Variants in AGXT2 observed in about 807,000 individuals in gnomAD.
AGXT2 encodes alanine--glyoxylate aminotransferase 2.
AGXT2 carries 61 observed loss-of-function variants against 62.5 expected under a neutral mutation model. That is an observed-to-expected ratio of 0.98 (90% confidence interval 0.79 to 1.21). The LOEUF is 1.21. Ranked by LOEUF, AGXT2 falls within the 50% of genes most tolerant of loss-of-function variation. The pLI, the probability that AGXT2 is intolerant of heterozygous loss-of-function variation, is 0.00. For missense variants in AGXT2, 666 were observed against 641.5 expected (o/e 1.04, Z -0.41); for synonymous variants, 243 against 218.7 (o/e 1.11, Z -0.98).
rs988468601 is a variant in AGXT2, at chr5:35,030,026, A to T, written c.769+2706T>A. On this transcript the variant is annotated intron_variant, in intron 7 of 13. Coordinates refer to ENST00000231420, the MANE Select transcript of AGXT2 (RefSeq NM_031900.4). ...GGTTAAGAGGAATTGAGAACAGGCA[A>T]CATCTATAGTCAAAGAACTGTACAT... Among the ~76,000 whole-genome samples the T allele has an allele frequency of 2.6e-5, 4 of 152,234 alleles. No individual in the cohort carries two copies. In the South Asian group the frequency reaches 8.3e-4, roughly 31 times the overall value.
At chr5:35,037,708 C>T (rs916448173) in intron 3 of AGXT2, among the ~76,000 whole-genome samples, 7 of 152,178 alleles carry the variant, frequency 4.6e-5, no homozygotes, top group Non-Finnish European at 8.8e-5. Flanking sequence ...CATGCTACCA[C>T]GTCTGACTAA....
intron 9 of AGXT2, among the ~76,000 whole-genome samples, chr5:35,021,990 C>T (rs561636112): frequency 6.6e-6 from 1 of 152,140 alleles, no homozygotes; most frequent in South Asian, 2.1e-4. Context: ...TCATCACTGG[C>T]CATCAGAGAA....
chr5:35,041,055 C>A (rs188346635), intron 1 of AGXT2, among the ~76,000 whole-genome samples: 116 of 151,964 alleles, frequency 7.6e-4, no homozygotes, highest in African/African-American at 2.6e-3. Context: ...TGCCTAGTGC[C>A]TGAATTCTAG....
chr5:35,011,900 A>G (rs1392748343), intron 11 of AGXT2, among the ~76,000 whole-genome samples: 1 of 146,104 alleles, frequency 6.8e-6, no homozygotes, highest in African/African-American at 2.6e-5. Flanking sequence ...GAGTGGATAA[A>G]GAAAATGTGG....
chr5:35,031,031 G>A (rs1306683162), intron 7 of AGXT2, among the ~76,000 whole-genome samples: 1 of 152,206 alleles, frequency 6.6e-6, no homozygotes, highest in African/African-American at 2.4e-5. Flanking sequence ...GCTCATAGCT[G>A]AACCATGCCA....
At chr5:35,012,205 C>T (rs868080368) in intron 11 of AGXT2, among the ~76,000 whole-genome samples, 9 of 151,578 alleles carry the variant, frequency 5.9e-5, no homozygotes, top group East Asian at 3.9e-4. Flanking sequence ...TAACCAAAAC[C>T]GACTTGTATC....
chr5:35,029,444 G>C (rs1333726522), intron 7 of AGXT2, among the ~76,000 whole-genome samples: 2 of 152,194 alleles, frequency 1.3e-5, no homozygotes, highest in East Asian at 1.9e-4. Flanking sequence ...TCAGCGATGA[G>C]AGAGTCATTG....
chr5:35,043,593 T>C (rs941697545), intron 1 of AGXT2, among the ~76,000 whole-genome samples: 4 of 152,168 alleles, frequency 2.6e-5, no homozygotes, highest in African/African-American at 9.7e-5. Flanking sequence ...AGTACAGTGG[T>C]GTGAGCATGG....
intron 9 of AGXT2, among the ~76,000 whole-genome samples, chr5:35,024,694 C>T (rs928709725): frequency 4.6e-5 from 7 of 152,168 alleles, no homozygotes; most frequent in East Asian, 1.9e-4. Flanking sequence ...TTCGGCCAGG[C>T]GCGGTGGCTC....
chr5:34,998,628 G>T lies in AGXT2; in HGVS notation c.*91C>A, dbSNP rs1766114347. On this transcript the variant is annotated 3_prime_UTR_variant, in exon 14 of 14. Coordinates refer to ENST00000231420, the MANE Select transcript of AGXT2 (RefSeq NM_031900.4). ...CTGTGGAGAGCTGCAGGCTTTCTCTGGATACCAGTGGTTCTGAAATTCTTC... is the reference window on the plus strand; with the variant it reads ...CTGTGGAGAGCTGCAGGCTTTCTCTTGATACCAGTGGTTCTGAAATTCTTC... 1.9e-6 allele frequency: 2 copies of T among 1,028,036 alleles called. No homozygotes were observed. The highest frequency in any genetic ancestry group is 1.5e-6 in the Non-Finnish European group (1 of 670,126). The allele number at this position is 1,028,036 out of a possible 1,614,324, so 63.7% of individuals were successfully genotyped here.
At chr5:35,014,179 C>A (rs929128274) in intron 9 of AGXT2, 60 bp from the exon 10 acceptor site, 6 of 1,607,906 alleles carry the variant, frequency 3.7e-6, no homozygotes, top group Non-Finnish European at 5.1e-6. Context: ...TTCGACAGGG[C>A]GCGGTGGCTC....
At position 35,044,113 on chromosome 5, in the gene AGXT2, T is replaced by A. The variant is rs116126263; in HGVS notation, c.89-3450A>T. On this transcript the variant is annotated intron_variant, in intron 1 of 13. Coordinates refer to ENST00000231420, the MANE Select transcript of AGXT2 (RefSeq NM_031900.4). Reference sequence around the variant, plus strand: ...AACGAGTTAGGAAAGGAAGATTTCATCCTCCATCCACCTTAGAGGACATCA... The same window carrying A: ...AACGAGTTAGGAAAGGAAGATTTCAACCTCCATCCACCTTAGAGGACATCA... Among the ~76,000 whole-genome samples, 466 of 152,306 alleles carry A rather than the reference T, an allele frequency of 3.1e-3. 2 individuals carry two copies. Among genetic ancestry groups the A allele is most frequent in the African/African-American group, 0.011 (453 of 41,572 alleles).
At chr5:35,001,671 C>T (rs554864401) in intron 13 of AGXT2, among the ~76,000 whole-genome samples, 3 of 152,308 alleles carry the variant, frequency 2.0e-5, no homozygotes, top group East Asian at 3.9e-4. Flanking sequence ...ACTACTCAAG[C>T]CTTTGCACCA....
chr5:35,017,925 T>C (rs1008848450), intron 9 of AGXT2, among the ~76,000 whole-genome samples: 4 of 152,160 alleles, frequency 2.6e-5, no homozygotes, highest in Non-Finnish European at 5.9e-5. Flanking sequence ...ACGTGAAGAA[T>C]GCAGAAGCCT....
intron 10 of AGXT2, among the ~76,000 whole-genome samples, chr5:35,013,687 CA>C (rs1766730688): frequency 6.6e-6 from 1 of 150,638 alleles, no homozygotes. Flanking sequence ...GAGGCTGAGG[CA>C]GGAGAATTGC....
intron 7 of AGXT2, among the ~76,000 whole-genome samples, chr5:35,032,268 T>G (rs1438694162): frequency 6.6e-6 from 1 of 151,256 alleles, no homozygotes. Flanking sequence ...TGCTCTTTCA[T>G]GCAGGCTGGA....
chr5:35,010,199 T>C lies in AGXT2; in HGVS notation c.1189-50A>G, dbSNP rs772742650. ...TCTTACATGGCAGAAGTTCTAAGATTGACTGAGAATCGTGGAGAAGTCATT... is the reference window on the plus strand; with the variant it reads ...TCTTACATGGCAGAAGTTCTAAGATCGACTGAGAATCGTGGAGAAGTCATT... On this transcript the variant is annotated intron_variant, in intron 11 of 13. Transcript: ENST00000231420. 10 of 1,610,980 alleles carry C rather than the reference T, an allele frequency of 6.2e-6. No individual in the cohort carries two copies. In the South Asian group the frequency reaches 9.9e-5, roughly 16 times the overall value.
chr5:35,013,929 A>G (rs1766743610), intron 10 of AGXT2, 58 bp downstream of exon 10: 15 of 1,612,666 alleles, frequency 9.3e-6, no homozygotes, highest in Non-Finnish European at 1.3e-5. Flanking sequence ...CACACGTGTT[A>G]TACCATAGCC....
rs751192931 is a variant in AGXT2, at chr5:34,998,541, G to C, written c.*178C>G. 28 of 629,856 alleles carry C rather than the reference G, an allele frequency of 4.4e-5. No homozygotes were observed. The highest frequency in any genetic ancestry group is 7.0e-5 in the Non-Finnish European group (25 of 355,774). The allele number at this position is 629,856 out of a possible 1,614,324, so 39.0% of individuals were successfully genotyped here. A position where few individuals can be genotyped will look rare whatever the true frequency, so the allele number is the denominator to read the frequency against. ...TTTCCCTGAAGAATGGAGTTCTCAA[G>C]ATAAGAGGGGCTCTGCTAACAAATA... On this transcript the variant is annotated 3_prime_UTR_variant, in exon 14 of 14. Coordinates refer to ENST00000231420, the MANE Select transcript of AGXT2 (RefSeq NM_031900.4).
Sources: allele counts gnomAD v4.1 joint callset (sites outside exome capture counted in the v4.1 genomes callset), GRCh38; gene constraint gnomAD v4.1.1; transcripts MANE v1.5; gene names NCBI Gene and HGNC (gene_info 2026-07-23, HGNC 2026-07-21).